TEC: variants seen among roughly 807,000 people sequenced by gnomAD.
TEC encodes tec protein tyrosine kinase.
Under a neutral mutation model 93.0 loss-of-function variants are expected in TEC, and 72 were observed. That is an observed-to-expected ratio of 0.77 (90% CI 0.64 to 0.94). The LOEUF is 0.94. TEC is among the 40% of genes least tolerant of loss of function. TEC has a pLI of 0.00. For synonymous variants in TEC, 249 were observed against 247.7 expected (o/e 1.01, Z -0.05); for missense variants, 630 against 757.9 (o/e 0.83, Z 1.98).
Position 48,145,186 on chromosome 4 carries a change from G to T in TEC, c.1363C>A (p.Arg455=), listed in dbSNP as rs768171223. 1 of 1,613,936 alleles carries T rather than the reference G, an allele frequency of 6.2e-7. No individual in the cohort carries two copies. Among genetic ancestry groups the T allele is most frequent in the South Asian group, 1.1e-5 (1 of 91,064 alleles). Residue 455 remains arginine (R), a synonymous_variant, in exon 14 of 18, where the codon CGA becomes AGA. Coordinates refer to ENST00000381501, the MANE Select transcript of TEC (RefSeq NM_003215.3). ...CTACTGAAATGACCTTGTCTCTGTCGGAGGAAATTCAGAAGGCAGCCCCTT... is the reference window on the plus strand; with the variant it reads ...CTACTGAAATGACCTTGTCTCTGTCTGAGGAAATTCAGAAGGCAGCCCCTT... ...MERGCLLNFL[R]QRQGHFSRDV... is the part of the protein sequence containing the mutation.
At chr4:48,147,243 T>C (rs1019294073) in intron 11 of TEC, among the ~76,000 whole-genome samples, 2 of 152,184 alleles carry the variant, frequency 1.3e-5, no homozygotes, top group African/African-American at 4.8e-5. Flanking sequence ...AGAGTTACCA[T>C]ATGACGCAGC....
chr4:48,144,149 A>G (rs1295987886), intron 14 of TEC, among the ~76,000 whole-genome samples: 1 of 152,192 alleles, frequency 6.6e-6, no homozygotes, highest in Non-Finnish European at 1.5e-5. Context: ...CGGGAGGTTG[A>G]GGCTGCAGTG....
At chr4:48,242,690 T>C (rs1426530883) in intron 1 of TEC, among the ~76,000 whole-genome samples, 4 of 152,216 alleles carry the variant, frequency 2.6e-5, no homozygotes, top group Non-Finnish European at 4.4e-5. Context: ...TGCAGGAAGT[T>C]CTTTTTTTCT....
At chr4:48,195,970 C>G (rs1160266637) in intron 2 of TEC, among the ~76,000 whole-genome samples, 1 of 152,208 alleles carries the variant, frequency 6.6e-6, no homozygotes, top group Admixed American at 6.5e-5. Flanking sequence ...CTTTATCTGT[C>G]TGCTTTTCTC....
chr4:48,152,695 G>A (rs896127809), intron 9 of TEC, among the ~76,000 whole-genome samples: 6 of 152,114 alleles, frequency 3.9e-5, no homozygotes, highest in African/African-American at 1.4e-4. Context: ...TTGGTCCCCA[G>A]GCTGCCATTT....
intron 2 of TEC, among the ~76,000 whole-genome samples, chr4:48,214,291 A>G (rs1056735986): frequency 5.3e-5 from 8 of 152,222 alleles, no homozygotes; most frequent in Non-Finnish European, 1.0e-4. Context: ...CAAGGCATGT[A>G]TAACCAGAGG....
chr4:48,255,985 T>A (rs1279715298), intron 1 of TEC, among the ~76,000 whole-genome samples: 3 of 151,866 alleles, frequency 2.0e-5, no homozygotes, highest in Non-Finnish European at 2.9e-5. Flanking sequence ...AAATACAGAG[T>A]CAAAGCTAAG....
intron 1 of TEC, among the ~76,000 whole-genome samples, chr4:48,246,532 T>C (rs899928611): frequency 6.7e-6 from 1 of 150,026 alleles, no homozygotes; most frequent in Non-Finnish European, 1.5e-5. Context: ...TCTAATGGCA[T>C]AGCAATCAAA....
intron 2 of TEC, among the ~76,000 whole-genome samples, chr4:48,208,574 C>G (rs1436823536): frequency 1.4e-5 from 2 of 147,250 alleles, no homozygotes; most frequent in African/African-American, 4.9e-5. Flanking sequence ...TAAAGCATTT[C>G]CCACCTCCCT....
At position 48,163,130 on chromosome 4, in the gene TEC, TA is replaced by T. The variant is rs1292120297; in HGVS notation, c.737+571del. ...CGTGCCATCTGCCTGGTTATGTCTC[TA>T]AGGCCATACATAATGCTTGATACAT... On this transcript the variant is annotated intron_variant, in intron 8 of 17. Transcript: ENST00000381501. Among the ~76,000 whole-genome samples the T allele has an allele frequency of 2.6e-5, 4 of 152,220 alleles. No individual in the cohort carries two copies. The East Asian group carries it at 5.8e-4, about 22-fold the overall frequency.
chr4:48,160,766 GAAA>G lies in TEC; in HGVS notation c.737+2933_737+2935del, dbSNP rs200086372. The stretch of plus-strand genomic sequence containing the variant: ...GAAAGAAAGAAAGAAAGAAAGAAAA[GAAA>G]AAAAGAAAGAAAGAAAAGAAAAGAA... On this transcript the variant is annotated intron_variant, in intron 8 of 17. Coordinates refer to ENST00000381501, the MANE Select transcript of TEC (RefSeq NM_003215.3). Among the ~76,000 whole-genome samples, 5 of 106,622 alleles carry G rather than the reference GAAA, an allele frequency of 4.7e-5. No individual in the cohort carries two copies. In the East Asian group the frequency reaches 1.2e-3, roughly 26 times the overall value. The allele number at this position is 106,622 out of a possible 152,430, so 69.9% of individuals were successfully genotyped here.
At chr4:48,170,220 A>C (rs372772307) in intron 5 of TEC, 28 bp downstream of exon 5, 1 of 1,542,528 alleles carries the variant, frequency 6.5e-7, no homozygotes, top group Non-Finnish European at 8.9e-7. Context: ...TAAGCACAAT[A>C]TAATTATGGA....
intron 1 of TEC, among the ~76,000 whole-genome samples, chr4:48,254,162 A>C (rs1185296667): frequency 6.6e-6 from 1 of 152,142 alleles, no homozygotes; most frequent in Non-Finnish European, 1.5e-5. Flanking sequence ...CAAACATAAA[A>C]AGTTGGTTGT....
chr4:48,144,989 A>C (rs1719842747), intron 14 of TEC, 90 bp downstream of exon 14: 6 of 1,127,254 alleles, frequency 5.3e-6, no homozygotes, highest in Non-Finnish European at 7.9e-6. Flanking sequence ...AAGAACAAAA[A>C]TTGGCTATTA....
intron 1 of TEC, among the ~76,000 whole-genome samples, chr4:48,241,385 T>A: frequency 6.6e-6 from 1 of 152,180 alleles, no homozygotes; most frequent in Non-Finnish European, 1.5e-5. Flanking sequence ...TTTTTGGACG[T>A]CTAGCTCTTT....
At chr4:48,170,531 A>G (rs1317022152) in intron 4 of TEC, among the ~76,000 whole-genome samples, 155 bp from the exon 5 acceptor site, 3 of 152,230 alleles carry the variant, frequency 2.0e-5, no homozygotes, top group Non-Finnish European at 1.5e-5. Context: ...GAAAAGCTCT[A>G]TAGTTCTCTT....
At chr4:48,204,869 C>T (rs771619660) in intron 2 of TEC, among the ~76,000 whole-genome samples, 5 of 152,166 alleles carry the variant, frequency 3.3e-5, no homozygotes, top group East Asian at 1.9e-4. Flanking sequence ...TAACAGGCCA[C>T]GCACCGAAAC....
intron 2 of TEC, among the ~76,000 whole-genome samples, chr4:48,199,451 C>CT (rs1560404992): frequency 5.4e-5 from 4 of 74,290 alleles, no homozygotes; most frequent in South Asian, 5.1e-4. Flanking sequence ...AAAGGATTTT[C>CT]TTTCTTTTTT....
intron 1 of TEC, among the ~76,000 whole-genome samples, chr4:48,238,984 A>G (rs1454295919): frequency 1.3e-5 from 2 of 152,180 alleles, no homozygotes; most frequent in African/African-American, 2.4e-5. Context: ...CAGAGGCTAG[A>G]CTAGTTCACT....
Sources: allele counts gnomAD v4.1 joint callset (sites outside exome capture counted in the v4.1 genomes callset), GRCh38; gene constraint gnomAD v4.1.1; transcripts MANE v1.5; gene names NCBI Gene and HGNC (gene_info 2026-07-23, HGNC 2026-07-21).